Variants in SLC12A7 observed in about 807,000 individuals in gnomAD.
The protein encoded by SLC12A7 is K-Cl cotransporter 4.
A neutral mutation model predicts 120.6 loss-of-function variants in SLC12A7; 100 were observed. The ratio of observed to expected loss-of-function variants is 0.83; its 90% CI spans 0.71 to 0.98. The LOEUF is 0.98. Ranked by LOEUF, SLC12A7 falls within the 50% of genes least tolerant of loss-of-function variation. SLC12A7 has a pLI of 0.00. For synonymous variants in SLC12A7, 760 were observed against 678.0 expected (o/e 1.12, Z -1.88); for missense variants, 1,373 against 1,548.1 (o/e 0.89, Z 1.90).
the SLC12A7 span, among the ~76,000 whole-genome samples, chr5:1,147,250 A>ACCCCC: frequency 2.4e-4 from 26 of 108,664 alleles, no homozygotes; most frequent in African/African-American, 3.1e-4. Context: ...CCACCCCGCC[A>ACCCCC]CCCCCCCCGC....
chr5:1,054,082 C>T (rs4975572), intron 22 of SLC12A7, among the ~76,000 whole-genome samples: 57,261 of 152,220 alleles, frequency 0.38, 12,152 homozygotes, highest in South Asian at 0.49. Context: ...CTGACAAGGA[C>T]AGGGTATGCC....
chr5:1,107,000 C>T (rs1284335423), intron 1 of SLC12A7, among the ~76,000 whole-genome samples: 3 of 152,220 alleles, frequency 2.0e-5, no homozygotes, highest in African/African-American at 7.2e-5. Context: ...CCTGTACTGA[C>T]TGTGTCGAAG....
the SLC12A7 span, among the ~76,000 whole-genome samples, chr5:1,127,001 C>G: frequency 2.6e-4 from 40 of 152,142 alleles, no homozygotes; most frequent in African/African-American, 9.6e-4. Flanking sequence ...AGGGTGTGGG[C>G]TCTCAATCCA....
At chr5:1,066,356 GGAT>G (rs1737053123) in intron 17 of SLC12A7, among the ~76,000 whole-genome samples, 1 of 152,190 alleles carries the variant, frequency 6.6e-6, no homozygotes, top group South Asian at 2.1e-4. Context: ...GATGCTTAGA[GGAT>G]GAGATTTGGG....
chr5:1,126,730 C>T, the SLC12A7 span, among the ~76,000 whole-genome samples: 1 of 152,186 alleles, frequency 6.6e-6, no homozygotes, highest in Non-Finnish European at 1.5e-5. Context: ...TAAGTGAGAA[C>T]ATGCTGTATT....
At chr5:1,124,141 G>T in the SLC12A7 span, among the ~76,000 whole-genome samples, 1 of 152,180 alleles carries the variant, frequency 6.6e-6, no homozygotes, top group Non-Finnish European at 1.5e-5. Context: ...CTGACAGCAG[G>T]TCAATCTGCT....
intron 17 of SLC12A7, among the ~76,000 whole-genome samples, chr5:1,066,994 C>T (rs1328796602): frequency 1.3e-5 from 2 of 152,118 alleles, no homozygotes; most frequent in East Asian, 1.9e-4. Flanking sequence ...GCAGCCCCTA[C>T]GTCAGCCTGA....
chr5:1,143,949 C>T, the SLC12A7 span, among the ~76,000 whole-genome samples: 1 of 152,136 alleles, frequency 6.6e-6, no homozygotes, highest in Admixed American at 6.5e-5. Flanking sequence ...TCCTGGGCAC[C>T]CTGGCGCTGG....
the SLC12A7 span, among the ~76,000 whole-genome samples, chr5:1,132,093 A>G: frequency 4.6e-5 from 7 of 152,218 alleles, no homozygotes; most frequent in African/African-American, 1.7e-4. Context: ...AGTTGTGGTC[A>G]GGAAGCCATC....
At chr5:1,073,890 A>C (rs946780670) in intron 16 of SLC12A7, 89 bp from the exon 17 acceptor site, 150 of 1,241,192 alleles carry the variant, frequency 1.2e-4, no homozygotes, top group Non-Finnish European at 1.5e-4. Context: ...CGGGCGGGGC[A>C]CACGACACAG....
intron 13 of SLC12A7, among the ~76,000 whole-genome samples, 174 bp downstream of exon 13, chr5:1,076,520 T>C (rs970946568): frequency 2.3e-5 from 3 of 132,370 alleles, no homozygotes; most frequent in South Asian, 2.5e-4. Context: ...GGCGGCTGCC[T>C]GGAGGCCTGT....
intron 14 of SLC12A7, chr5:1,075,850 G>A (rs1261007615): frequency 3.9e-6 from 2 of 510,978 alleles, no homozygotes; most frequent in Non-Finnish European, 6.9e-6. Context: ...AGCCTGGGAA[G>A]GCTGGGCTGA....
intron 1 of SLC12A7, among the ~76,000 whole-genome samples, chr5:1,102,977 G>T (rs1742163092): frequency 1.3e-5 from 2 of 152,192 alleles, no homozygotes; most frequent in Non-Finnish European, 2.9e-5. Flanking sequence ...CCCTGTGAAG[G>T]TGCCGGGCAC....
At position 1,076,242 on chromosome 5, in the gene SLC12A7, G is replaced by A; in HGVS notation, c.1749-6C>T. The A allele has an allele frequency of 6.2e-7, 1 of 1,601,168 alleles. No individual in the cohort carries two copies. Among genetic ancestry groups the A allele is most frequent in the Non-Finnish European group, 8.5e-7 (1 of 1,174,770 alleles). ...GGTAGCACATGAGGAAGAACCTGCA[G>A]GGACGGCCGGCCACTGATACGGGCC... On this transcript the variant is annotated splice_polypyrimidine_tract_variant and splice_region_variant and intron_variant, in intron 13 of 23. Transcript: ENST00000264930.
intron 12 of SLC12A7, among the ~76,000 whole-genome samples, chr5:1,077,292 C>T (rs1156620245): frequency 6.6e-6 from 1 of 152,228 alleles, no homozygotes; most frequent in African/African-American, 2.4e-5. Context: ...GCCGAGGGAC[C>T]AGCGACGGGC....
intron 17 of SLC12A7, among the ~76,000 whole-genome samples, chr5:1,066,915 G>A (rs1466129774): frequency 1.3e-5 from 2 of 152,150 alleles, no homozygotes; most frequent in Admixed American, 6.6e-5. Context: ...TGTGGTCTGT[G>A]TCCCATCACA....
intron 1 of SLC12A7, among the ~76,000 whole-genome samples, chr5:1,095,965 C>G (rs960861889): frequency 6.6e-6 from 1 of 152,168 alleles, no homozygotes; most frequent in Non-Finnish European, 1.5e-5. Flanking sequence ...GGAGCAGCGG[C>G]CCCACCCCTC....
chr5:1,111,830 C>T lies in SLC12A7; in HGVS notation c.124+38G>A. ...GCCGGGCCCAGACCCGCGCTCGGGG[C>T]GCTCGGCCTTTGTCCGGCCAGGTGC... On this transcript the variant is annotated intron_variant, in intron 1 of 23. Transcript: ENST00000264930. The T allele has an allele frequency of 2.5e-6, 3 of 1,197,760 alleles. 1 individual carries two copies. The highest frequency in any genetic ancestry group is 7.0e-5 in the East Asian group (2 of 28,442). 74.2% of individuals were successfully genotyped at this position (1,197,760 alleles called of 1,614,324 possible). A position where few individuals can be genotyped will look rare whatever the true frequency, so the allele number is the denominator to read the frequency against.
chr5:1,143,289 C>A, the SLC12A7 span, among the ~76,000 whole-genome samples: 1 of 152,240 alleles, frequency 6.6e-6, no homozygotes, highest in African/African-American at 2.4e-5. Context: ...TGTAACAAAG[C>A]GCCATGGGCG....
Sources: allele counts gnomAD v4.1 joint callset (sites outside exome capture counted in the v4.1 genomes callset), GRCh38; gene constraint gnomAD v4.1.1; transcripts MANE v1.5; gene names NCBI Gene and HGNC (gene_info 2026-07-23, HGNC 2026-07-21).